ESRRG: variants seen among roughly 807,000 people sequenced by gnomAD.
ESRRG encodes estrogen related receptor gamma.
A neutral mutation model predicts 44.0 loss-of-function variants in ESRRG; 13 were observed. The ratio of observed to expected loss-of-function variants is 0.30; its 90% CI spans 0.19 to 0.47. The LOEUF is 0.47. ESRRG is among the 20% of genes least tolerant of loss of function. The pLI is 1.00. For synonymous variants in ESRRG, 215 were observed against 214.6 expected (o/e 1.00, Z -0.02); for missense variants, 395 against 580.6 (o/e 0.68, Z 3.29).
chr1:217,068,568 G>T (rs1047046560), intron 1 of ESRRG, among the ~76,000 whole-genome samples: 5 of 151,900 alleles, frequency 3.3e-5, no homozygotes, highest in African/African-American at 1.2e-4. Context: ...ACATAATCTT[G>T]CTAAGTTCAC....
Position 216,840,130 on chromosome 1 carries a change from G to A in ESRRG, c.-14+99452C>T, listed in dbSNP as rs571557995. Among the ~76,000 whole-genome samples the A allele has an allele frequency of 3.3e-5, 5 of 152,186 alleles. No individual in the cohort carries two copies. In the East Asian group the frequency reaches 9.7e-4, roughly 29 times the overall value. On this transcript the variant is annotated intron_variant, in intron 2 of 7. Coordinates refer to the ESRRG transcript ENST00000359162. ...TGGCACCTTCTTCCAATAGAAGGCT[G>A]TTTCATCTACACTGAAAATCTCTTG...
chr1:216,670,554 C>A (rs556792304), intron 2 of ESRRG, among the ~76,000 whole-genome samples: 1 of 152,164 alleles, frequency 6.6e-6, no homozygotes. Context: ...CCGTCCCCTG[C>A]GTACACCTTG....
chr1:216,824,382 G>A (rs1040561012), intron 2 of ESRRG, among the ~76,000 whole-genome samples: 3 of 152,094 alleles, frequency 2.0e-5, no homozygotes, highest in African/African-American at 7.2e-5. Context: ...GGAGGGGGAG[G>A]TTGTAGTGAG....
At chr1:217,071,314 A>G (rs1276809018) in intron 1 of ESRRG, among the ~76,000 whole-genome samples, 2 of 152,148 alleles carry the variant, frequency 1.3e-5, no homozygotes, top group African/African-American at 2.4e-5. Flanking sequence ...AATTTTCTCT[A>G]ACTTAATGAA....
Position 216,519,166 on chromosome 1 carries a change from G to A in ESRRG, c.1118C>T (p.Ala373Val), listed in dbSNP as rs764316284. ...KEEFVTLKAI[A>V]LANSDSMHIE... is the part of the protein sequence containing the mutation. ...AGTATGCCAACCTGAATTAGCAAGA[G>A]CTATAGCTTTGAGGGTGACAAATTC... Residue 373 changes from alanine (A) to valine (V), a missense_variant, in exon 6 of 7, where the codon GCT becomes GTT. Ala to Val is a moderately conservative substitution (Grantham distance 64). Transcript: ENST00000408911. 28 of 1,613,470 alleles carry A rather than the reference G, an allele frequency of 1.7e-5. No homozygotes were observed. Among genetic ancestry groups the A allele is most frequent in the Non-Finnish European group, 2.4e-5 (28 of 1,179,712 alleles).
At chr1:216,744,754 G>C (rs1486194096) in intron 2 of ESRRG, among the ~76,000 whole-genome samples, 1 of 152,112 alleles carries the variant, frequency 6.6e-6, no homozygotes. Flanking sequence ...TGTTCTTCTA[G>C]CAATATTGCT....
chr1:216,663,048 C>A (rs1196220165), intron 2 of ESRRG, among the ~76,000 whole-genome samples: 1 of 152,176 alleles, frequency 6.6e-6, no homozygotes, highest in African/African-American at 2.4e-5. Flanking sequence ...AAGTTAGGTA[C>A]AGAAACTTTT....
intron 1 of ESRRG, among the ~76,000 whole-genome samples, chr1:217,050,202 G>C (rs1188381326): frequency 6.6e-6 from 1 of 152,058 alleles, no homozygotes; most frequent in Non-Finnish European, 1.5e-5. Flanking sequence ...GAGCTGGGGG[G>C]GTGAAAAAGA....
At chr1:216,622,670 T>C (rs1452834598) in intron 3 of ESRRG, among the ~76,000 whole-genome samples, 2 of 151,746 alleles carry the variant, frequency 1.3e-5, no homozygotes, top group East Asian at 1.9e-4. Context: ...ATTATTTCAT[T>C]GGTAGGGCAT....
At chr1:216,749,714 T>C (rs908797963) in intron 2 of ESRRG, among the ~76,000 whole-genome samples, 6 of 152,138 alleles carry the variant, frequency 3.9e-5, no homozygotes, top group African/African-American at 1.4e-4. Flanking sequence ...ATATTTTCCA[T>C]GATGATGACA....
intron 2 of ESRRG, among the ~76,000 whole-genome samples, chr1:216,819,933 A>G (rs1395316537): frequency 6.6e-6 from 1 of 152,230 alleles, no homozygotes; most frequent in Non-Finnish European, 1.5e-5. Flanking sequence ...CAACTGTAGA[A>G]ATAAAAATTC....
intron 6 of ESRRG, among the ~76,000 whole-genome samples, chr1:216,511,607 C>T (rs978141803): frequency 1.2e-4 from 16 of 138,074 alleles, no homozygotes; most frequent in Admixed American, 4.3e-4. Flanking sequence ...GCATCCCCAG[C>T]TCCGTACTTA....
rs77744762 is a variant in ESRRG, at chr1:216,663,954, G to A, written c.473-12865C>T. Among the ~76,000 whole-genome samples the A allele has an allele frequency of 7.2e-3, 1,094 of 152,168 alleles. 21 individuals carry two copies. Among genetic ancestry groups the A allele is most frequent in the African/African-American group, 0.025 (1,028 of 41,520 alleles). On this transcript the variant is annotated intron_variant, in intron 2 of 6. Transcript: ENST00000408911. ...AATGGTGGTGGCACTGAAGAGTTGC[G>A]CTCTCAAGCTTCACATTTAAGGGAT...
At chr1:216,682,741 T>TGTGTGTGTGTGTG (rs1553496190) in intron 1 of ESRRG, among the ~76,000 whole-genome samples, 10 of 151,216 alleles carry the variant, frequency 6.6e-5, no homozygotes, top group African/African-American at 1.5e-4. Context: ...TGTGTGTGTG[T>TGTGTGTGTGTGTG]TTTATGCTTT....
chr1:217,130,873 G>A (rs960391391), intron 1 of ESRRG, among the ~76,000 whole-genome samples: 1 of 142,622 alleles, frequency 7.0e-6, no homozygotes, highest in African/African-American at 2.7e-5. Context: ...TTTCTCCCAC[G>A]AAGAAATGCC....
intron 2 of ESRRG, among the ~76,000 whole-genome samples, chr1:216,819,011 T>C (rs1379325020): frequency 6.6e-6 from 1 of 152,172 alleles, no homozygotes; most frequent in Non-Finnish European, 1.5e-5. Context: ...ATTCAGTTTA[T>C]CATTGATAGC....
intron 1 of ESRRG, among the ~76,000 whole-genome samples, chr1:216,682,679 T>C (rs1237731450): frequency 1.3e-5 from 2 of 149,210 alleles, no homozygotes; most frequent in East Asian, 2.0e-4. Flanking sequence ...TATTTGTGTT[T>C]TAAAAAATAA....
rs568142560 is a variant in ESRRG at position 216,535,216 on chromosome 1, C to T, written c.863-15795G>A. ...ACTTCAGTGCAATCTCAGCTACTAA[C>T]TAGCTGTGTAAACTTCAGGCAGTCA... On this transcript the variant is annotated intron_variant, in intron 5 of 6. Coordinates refer to ENST00000408911, the MANE Select transcript of ESRRG (RefSeq NM_001438.4). Among the ~76,000 whole-genome samples, 31 of 152,270 alleles carry T rather than the reference C, an allele frequency of 2.0e-4. No homozygotes were observed. In the South Asian group the frequency reaches 6.2e-3, roughly 31 times the overall value.
intron 1 of ESRRG, among the ~76,000 whole-genome samples, chr1:217,019,290 G>T (rs1012565142): frequency 2.6e-5 from 4 of 152,190 alleles, no homozygotes; most frequent in East Asian, 3.8e-4. Flanking sequence ...ACAAGAGTTT[G>T]CTTTCAAGTT....
Sources: allele counts gnomAD v4.1 joint callset (sites outside exome capture counted in the v4.1 genomes callset), GRCh38; gene constraint gnomAD v4.1.1; transcripts MANE v1.5; gene names NCBI Gene and HGNC (gene_info 2026-07-23, HGNC 2026-07-21).